PDE4D: variants seen among roughly 807,000 people sequenced by gnomAD.
PDE4D encodes the protein 3',5'-cyclic-AMP phosphodiesterase 4D.
A neutral mutation model predicts 87.4 loss-of-function variants in PDE4D; 24 were observed. The observed-to-expected ratio is 0.27, with a 90% confidence interval of 0.20 to 0.39. PDE4D has a LOEUF of 0.39. Among genes scored for constraint, PDE4D ranks in the 10% least tolerant of loss-of-function variants. The pLI, the probability that PDE4D is intolerant of heterozygous loss-of-function variation, is 1.00. For synonymous variants in PDE4D, 384 were observed against 383.2 expected, an observed-to-expected ratio of 1.00 and a Z score of -0.02; for missense variants, 714 against 1,041.0, an observed-to-expected ratio of 0.69 and a Z score of 4.32.
At chr5:59,280,922 G>T (rs1765689689) in intron 1 of PDE4D, among the ~76,000 whole-genome samples, 1 of 152,028 alleles carries the variant, frequency 6.6e-6, no homozygotes, top group African/African-American at 2.4e-5. Context: ...GCATTCTGGT[G>T]TGGGTAGGAG....
chr5:59,443,894 T>C (rs1797987721), intron 1 of PDE4D, among the ~76,000 whole-genome samples: 1 of 151,148 alleles, frequency 6.6e-6, no homozygotes, highest in African/African-American at 2.5e-5. Flanking sequence ...AATCACAGAA[T>C]TTCATATGGA....
intron 1 of PDE4D, among the ~76,000 whole-genome samples, chr5:60,229,125 C>G (rs1281954585): frequency 1.3e-5 from 2 of 152,000 alleles, no homozygotes; most frequent in Non-Finnish European, 2.9e-5. Flanking sequence ...TAATAAGAAG[C>G]CAAGCATTGG....
chr5:60,468,137 C>CTTTTTTCT (rs1747520789), intron 1 of PDE4D, among the ~76,000 whole-genome samples: 3 of 141,218 alleles, frequency 2.1e-5, no homozygotes, highest in African/African-American at 5.4e-5. Context: ...TTTCTTTTTT[C>CTTTTTTCT]TTTTTTTTTT....
chr5:60,221,498 G>C (rs1451679029), intron 1 of PDE4D, among the ~76,000 whole-genome samples: 1 of 151,672 alleles, frequency 6.6e-6, no homozygotes, highest in Non-Finnish European at 1.5e-5. Flanking sequence ...TTTTTATCAG[G>C]GTATAATTTA....
chr5:59,154,325 G>T (rs1779861039), intron 5 of PDE4D, among the ~76,000 whole-genome samples: 1 of 152,154 alleles, frequency 6.6e-6, no homozygotes, highest in South Asian at 2.1e-4. Flanking sequence ...GTGTGTGTTT[G>T]CATGTCTGTG....
chr5:58,970,844 A>AAAAAG lies in PDE4D; in HGVS notation c.*3815_*3819dup, dbSNP rs1339633718. On this transcript the variant is annotated 3_prime_UTR_variant, in exon 15 of 15. Transcript: ENST00000340635. ...GCTCTAGAAGCCAAAAGGACTTAAAAAAAAGAAAAAGATTGTTTATAATCA... is the reference window on the plus strand; with the variant it reads ...GCTCTAGAAGCCAAAAGGACTTAAAAAAAAGAAAAGAAAAAGATTGTTTATAATCA... The AAAAAG allele has an allele frequency of 4.4e-4, 67 of 152,276 alleles. No homozygotes were observed. Among genetic ancestry groups the AAAAAG allele is most frequent in the African/African-American group, 1.5e-3 (63 of 41,568 alleles). The allele number at this position is 152,276 out of a possible 1,614,324, so 9.4% of individuals were successfully genotyped here.
At chr5:59,141,222 G>A (rs1235870568) in intron 5 of PDE4D, among the ~76,000 whole-genome samples, 7 of 152,160 alleles carry the variant, frequency 4.6e-5, no homozygotes, top group Non-Finnish European at 1.0e-4. Context: ...AAATATTTCA[G>A]AGTAATGTAT....
intron 1 of PDE4D, among the ~76,000 whole-genome samples, chr5:60,220,686 T>C (rs566700762): frequency 6.6e-6 from 1 of 152,138 alleles, no homozygotes; most frequent in Non-Finnish European, 1.5e-5. Flanking sequence ...ACCTTCCCCA[T>C]CTTTGCCTTC....
At chr5:59,033,726 G>C (rs968310454) in intron 6 of PDE4D, among the ~76,000 whole-genome samples, 1 of 151,976 alleles carries the variant, frequency 6.6e-6, no homozygotes, top group Non-Finnish European at 1.5e-5. Flanking sequence ...CTTTTATCAT[G>C]GGCAATCCTT....
chr5:59,108,665 G>A (rs1382623986), intron 5 of PDE4D, among the ~76,000 whole-genome samples: 3 of 152,094 alleles, frequency 2.0e-5, no homozygotes, highest in African/African-American at 4.8e-5. Flanking sequence ...AGGCCAAGGC[G>A]GGCCGATCAC....
At chr5:59,188,928 G>C (rs1332325604) in intron 3 of PDE4D, among the ~76,000 whole-genome samples, 2 of 152,078 alleles carry the variant, frequency 1.3e-5, no homozygotes. Flanking sequence ...AATTAATTAA[G>C]GCTAAAGAAA....
At chr5:59,675,846 C>A (rs954279622) in intron 1 of PDE4D, among the ~76,000 whole-genome samples, 1 of 152,054 alleles carries the variant, frequency 6.6e-6, no homozygotes. Context: ...CGTGCCACAA[C>A]ACCTGGATAA....
At chr5:59,661,074 TTATATATA>T (rs3062479) in intron 1 of PDE4D, among the ~76,000 whole-genome samples, 1 of 140,082 alleles carries the variant, frequency 7.1e-6, no homozygotes, top group African/African-American at 2.7e-5. Flanking sequence ...CATGATAATA[TTATATATA>T]TATATATATA....
At chr5:59,062,440 C>T (rs368434610) in intron 5 of PDE4D, among the ~76,000 whole-genome samples, 7 of 152,014 alleles carry the variant, frequency 4.6e-5, no homozygotes, top group African/African-American at 1.2e-4. Flanking sequence ...AGTTAGAACT[C>T]GAAGTAAAAA....
chr5:59,126,829 C>T (rs991711556), intron 5 of PDE4D, among the ~76,000 whole-genome samples: 2 of 152,168 alleles, frequency 1.3e-5, no homozygotes, highest in East Asian at 1.9e-4. Flanking sequence ...CCATTAATGC[C>T]GTAAAATAAA....
At chr5:59,724,518 T>C (rs919204188) in intron 1 of PDE4D, among the ~76,000 whole-genome samples, 1 of 152,084 alleles carries the variant, frequency 6.6e-6, no homozygotes, top group Non-Finnish European at 1.5e-5. Context: ...CAAGCAAGAC[T>C]GGAAACAGAA....
At chr5:58,977,169 T>A in intron 12 of PDE4D, 22 bp downstream of exon 12, 3 of 1,595,862 alleles carry the variant, frequency 1.9e-6, no homozygotes, top group Non-Finnish European at 2.6e-6. Context: ...GTTCTCTTCT[T>A]TGGCTTTTAT....
chr5:60,133,317 C>CTTAT (rs1296653774), intron 2 of PDE4D, among the ~76,000 whole-genome samples: 1 of 152,008 alleles, frequency 6.6e-6, no homozygotes, highest in East Asian at 1.9e-4. Context: ...TTGCCGTCAA[C>CTTAT]TTATTTATTT....
chr5:60,473,331 G>C (rs1748004156), intron 1 of PDE4D, among the ~76,000 whole-genome samples: 1 of 152,030 alleles, frequency 6.6e-6, no homozygotes, highest in South Asian at 2.1e-4. Flanking sequence ...CCTATATTTT[G>C]GGACAACTGG....
Sources: gnomAD v4.1 joint callset for allele counts (sites outside exome capture counted in the v4.1 genomes callset) on GRCh38, gnomAD v4.1.1 for gene constraint, MANE v1.5 for transcripts, NCBI Gene and HGNC (gene_info 2026-07-23, HGNC 2026-07-21) for gene names.